The following PRR5 variants were observed in gnomAD, a reference collection of about 807,000 sequenced individuals.
PRR5 encodes proline-rich protein 5.
PRR5 carries 25 observed loss-of-function variants against 30.6 expected under a neutral mutation model. The ratio of observed to expected loss-of-function variants is 0.82; its 90% CI spans 0.60 to 1.14. The LOEUF (loss-of-function observed/expected upper bound fraction) is 1.14, where lower values mean the gene tolerates loss of function less well. Among genes scored for constraint, PRR5 ranks in the 50% most tolerant of loss-of-function variants. The pLI is 0.00. For synonymous variants in PRR5, 286 were observed against 247.1 expected (o/e 1.16, Z -1.48); for missense variants, 600 against 547.1 (o/e 1.10, Z -0.96).
At chr22:44,722,263 G>A (rs1930054135) in intron 2 of PRR5, among the ~76,000 whole-genome samples, 1 of 152,256 alleles carries the variant, frequency 6.6e-6, no homozygotes, top group African/African-American at 2.4e-5. Context: ...TGCGCTGTTA[G>A]CCTGAACCTC....
chr22:44,710,311 C>A (rs1297681443), intron 1 of PRR5, among the ~76,000 whole-genome samples: 3 of 152,092 alleles, frequency 2.0e-5, no homozygotes, highest in African/African-American at 4.8e-5. Flanking sequence ...TCAGGAGGGG[C>A]TGGCCCCCCT....
At chr22:44,686,664 C>T (rs1310512659) in intron 1 of PRR5, among the ~76,000 whole-genome samples, 1 of 152,124 alleles carries the variant, frequency 6.6e-6, no homozygotes, top group African/African-American at 2.4e-5. Flanking sequence ...TACAGGTGTA[C>T]ACCACCACGC....
chr22:44,675,614 A>C (rs917713534), upstream of PRR5, among the ~76,000 whole-genome samples: 5 of 152,154 alleles, frequency 3.3e-5, no homozygotes, highest in Non-Finnish European at 7.3e-5. Flanking sequence ...CCCTCCCTGC[A>C]TCTCAGTTTC....
chr22:44,730,051 G>A (rs755134439), intron 4 of PRR5: 479 of 985,320 alleles, frequency 4.9e-4, no homozygotes, highest in Non-Finnish European at 5.6e-4. Flanking sequence ...TGGCCACTGG[G>A]CTGGGAGCCA....
At chr22:44,689,287 A>G (rs138885315) in intron 1 of PRR5, among the ~76,000 whole-genome samples, 60 of 152,160 alleles carry the variant, frequency 3.9e-4, no homozygotes, top group African/African-American at 1.4e-3. Context: ...TCGTCTTTGG[A>G]GTTCCGAGGA....
upstream of PRR5, chr22:44,702,173 C>G: frequency 1.2e-6 from 1 of 850,610 alleles, no homozygotes; most frequent in Non-Finnish European, 1.4e-6. Context: ...CGCCGAGACC[C>G]GCCCCTGGGC....
intron 1 of PRR5, among the ~76,000 whole-genome samples, 165 bp downstream of exon 1, chr22:44,702,773 G>T (rs760103621): frequency 6.6e-6 from 1 of 152,170 alleles, no homozygotes; most frequent in African/African-American, 2.4e-5. Context: ...TGCGGGCCTG[G>T]AGGAAAGTTC....
In PRR5 at chr22:44,735,539, G is replaced by T. The variant is rs557369259; in HGVS notation, c.691+377G>T. Reference sequence around the variant, plus strand: ...CCCAGGCTGGGAGGGACTCGGCCTGGGGGTGGGCAGGCTGAGCCCTGTGGG... The same window carrying T: ...CCCAGGCTGGGAGGGACTCGGCCTGTGGGTGGGCAGGCTGAGCCCTGTGGG... On this transcript the variant is annotated intron_variant, in intron 7 of 7. Coordinates refer to ENST00000336985, the MANE Select transcript of PRR5 (RefSeq NM_181333.4). Among the ~76,000 whole-genome samples the T allele has an allele frequency of 4.8e-3, 730 of 152,308 alleles. 3 individuals are homozygous for T. The highest frequency in any genetic ancestry group is 0.017 in the African/African-American group (690 of 41,564).
intron 2 of PRR5, among the ~76,000 whole-genome samples, chr22:44,715,169 G>A (rs916402): frequency 0.8 from 122,200 of 152,094 alleles, 49,187 homozygotes; most frequent in East Asian, 0.92. Flanking sequence ...ACACACACCC[G>A]ACAAGCTGCT....
At chr22:44,725,386 G>GC in intron 3 of PRR5, 94 bp downstream of exon 3, 1 of 1,555,626 alleles carries the variant, frequency 6.4e-7, no homozygotes, top group South Asian at 1.1e-5. Context: ...TGGAGCGCCG[G>GC]CTCCCCCACT....
In PRR5 at chr22:44,729,586, G is replaced by C. The variant is rs940979468; in HGVS notation, c.323-2144G>C. The C allele has an allele frequency of 1.1e-5, 11 of 985,428 alleles. No individual in the cohort carries two copies. The East Asian group carries it at 1.2e-3, about 112-fold the overall frequency. 61.0% of individuals were successfully genotyped at this position (985,428 alleles called of 1,614,324 possible). A position where few individuals can be genotyped will look rare whatever the true frequency, so the allele number is the denominator to read the frequency against. On this transcript the variant is annotated intron_variant, in intron 4 of 7. Coordinates refer to ENST00000336985, the MANE Select transcript of PRR5 (RefSeq NM_181333.4). ...CGTGTATCACGCCCCTTTCATAGAGGATGCCACTGAGTCCGCCTGGAGGAA... is the reference window on the plus strand; with the variant it reads ...CGTGTATCACGCCCCTTTCATAGAGCATGCCACTGAGTCCGCCTGGAGGAA...
chr22:44,692,655 A>G (rs1338015404), intron 1 of PRR5, among the ~76,000 whole-genome samples: 2 of 152,200 alleles, frequency 1.3e-5, no homozygotes, highest in African/African-American at 4.8e-5. Flanking sequence ...CCCAAGCAGC[A>G]TTCCTTCCAT....
At chr22:44,676,655 C>A (rs1470710691), upstream of PRR5, among the ~76,000 whole-genome samples, 2 of 151,978 alleles carry the variant, frequency 1.3e-5, no homozygotes, top group Non-Finnish European at 2.9e-5. Context: ...GCATAGCAGT[C>A]GGAGCCCAGC....
chr22:44,731,887 A>G, intron 5 of PRR5, 66 bp downstream of exon 5: 2 of 1,510,022 alleles, frequency 1.3e-6, no homozygotes, highest in East Asian at 2.4e-5. Context: ...GCCTCACTCT[A>G]CAGAGGGGGG....
chr22:44,694,639 C>T (rs1925585843), intron 1 of PRR5, among the ~76,000 whole-genome samples: 1 of 151,962 alleles, frequency 6.6e-6, no homozygotes, highest in Non-Finnish European at 1.5e-5. Context: ...GAATCCTGGC[C>T]CAGCCATGTG....
At chr22:44,678,593 G>A (rs1257958879) in intron 1 of PRR5, among the ~76,000 whole-genome samples, 1 of 152,198 alleles carries the variant, frequency 6.6e-6, no homozygotes, top group East Asian at 1.9e-4. Flanking sequence ...GGGATCACAG[G>A]TGTGAGCCAC....
chr22:44,693,987 T>C (rs1265071128), intron 1 of PRR5, among the ~76,000 whole-genome samples: 1 of 152,076 alleles, frequency 6.6e-6, no homozygotes, highest in East Asian at 1.9e-4. Context: ...TACTCCAGTA[T>C]GACCTCATCT....
intron 1 of PRR5, among the ~76,000 whole-genome samples, chr22:44,711,636 C>T (rs1196357241): frequency 6.6e-6 from 1 of 152,196 alleles, no homozygotes; most frequent in East Asian, 1.9e-4. Context: ...GCCCTGGCTA[C>T]ACCGCTGCAC....
At chr22:44,710,250 T>C (rs1425594834) in intron 1 of PRR5, among the ~76,000 whole-genome samples, 2 of 150,782 alleles carry the variant, frequency 1.3e-5, no homozygotes, top group East Asian at 4.0e-4. Flanking sequence ...GCATGGAGCC[T>C]CCCTAAGGAT....
Sources: gnomAD v4.1 joint callset for allele counts (sites outside exome capture counted in the v4.1 genomes callset) on GRCh38, gnomAD v4.1.1 for gene constraint, MANE v1.5 for transcripts, NCBI Gene and HGNC (gene_info 2026-07-23, HGNC 2026-07-21) for gene names.